B4GALNT4: variants seen among roughly 807,000 people sequenced by gnomAD.
The protein encoded by B4GALNT4 is N-acetyl-beta-glucosaminyl-glycoprotein 4-beta-N-acetylgalactosaminyltransferase 1.
Under a neutral mutation model 110.0 loss-of-function variants are expected in B4GALNT4, and 77 were observed. The observed-to-expected ratio is 0.70, with a 90% CI of 0.58 to 0.85. B4GALNT4 has a LOEUF of 0.85. B4GALNT4 is among the 40% of genes least tolerant of loss of function. The pLI is 0.00. For missense variants in B4GALNT4, 1,575 were observed against 1,506.0 expected (o/e 1.05, Z -0.76); for synonymous variants, 785 against 655.5 (o/e 1.20, Z -3.02).
chr11:376,618 A>G lies in B4GALNT4; in HGVS notation c.1495A>G (p.Arg499Gly). Residue 499 changes from arginine (R) to glycine (G), a missense_variant, in exon 14 of 20, where the codon AGG (arginine) becomes GGG (glycine). Coordinates refer to ENST00000329962, the MANE Select transcript of B4GALNT4 (RefSeq NM_178537.5). ...CTCCCGGGCCCTGAGCTGGGCCGCC[A>G]GGGCCGCCCGCCCTTTGCCGCTCTT... ...RHSRALSWAA[R>G]AARPLPLFLG... The G allele has an allele frequency of 7.2e-7, 1 of 1,388,296 alleles. No individual in the cohort carries two copies. The highest frequency in any genetic ancestry group is 9.3e-7 in the Non-Finnish European group (1 of 1,072,448). 86.0% of individuals were successfully genotyped at this position (1,388,296 alleles called of 1,614,324 possible). A position where few individuals can be genotyped will look rare whatever the true frequency, so the allele number is the denominator to read the frequency against.
chr11:373,728 C>T (rs762337290), intron 7 of B4GALNT4, 22 bp from the exon 8 acceptor site: 3 of 1,610,560 alleles, frequency 1.9e-6, no homozygotes, highest in Non-Finnish European at 1.7e-6. Context: ...CATGGCACGA[C>T]CCTTGCTCCT....
Position 373,061 on chromosome 11 carries a change from C to T in B4GALNT4, c.480C>T (p.Pro160=), listed in dbSNP as rs115266356. ...RTTVKKLAVS[P]KWKNYGLRIF... is the part of the protein sequence containing the mutation. ...CCGTGAAGAAGTTGGCCGTGTCCCC[C>T]AAGTGGAAGAACTATGGACTCCGTA... The change falls in exon 5 of 20, where the codon CCC becomes CCT. Residue 160 remains proline, a synonymous_variant. Coordinates refer to ENST00000329962, the MANE Select transcript of B4GALNT4 (RefSeq NM_178537.5). 2.1e-3 allele frequency: 3,348 copies of T among 1,612,550 alleles called. 69 individuals are homozygous for T. In the African/African-American group the frequency reaches 0.04, roughly 19 times the overall value.
In B4GALNT4 at chr11:380,192, A is replaced by G. The variant is rs758101193; in HGVS notation, c.2705A>G (p.Asp902Gly). 1 of 1,603,040 alleles carries G rather than the reference A, an allele frequency of 6.2e-7. No individual in the cohort carries two copies. Among genetic ancestry groups the G allele is most frequent in the Admixed American group, 1.7e-5 (1 of 59,526 alleles). Residue 902 changes from aspartate to glycine, a missense_variant, in exon 17 of 20, where the codon GAC (aspartate) becomes GGC (glycine). Physicochemically the swap from Asp to Gly is moderately conservative, Grantham distance 94. Transcript: ENST00000329962. ...ERSAGLQAGV[D>G]AVEDASSIVF... ...TCCGCCGGGCTGCAGGCGGGAGTGGACGCGGTAGAGGTCCGAGGGCCCCAT... is the reference window on the plus strand; with the variant it reads ...TCCGCCGGGCTGCAGGCGGGAGTGGGCGCGGTAGAGGTCCGAGGGCCCCAT...
rs1846652640 is a variant in B4GALNT4, at chr11:373,222, C to T, written c.567C>T (p.Asp189=). ...TCCAGTTTTCTGTGGCCTCAGACGACAACTCGGAGTTCTGGCTGAGTCTGG... is the reference window on the plus strand; with the variant it reads ...TCCAGTTTTCTGTGGCCTCAGACGATAACTCGGAGTTCTGGCTGAGTCTGG... ...GDVQFSVASD[D]NSEFWLSLDE... is the part of the protein sequence containing the mutation. Residue 189 remains aspartate, a synonymous_variant, in exon 6 of 20, where the codon GAC becomes GAT. Coordinates refer to ENST00000329962, the MANE Select transcript of B4GALNT4 (RefSeq NM_178537.5). The T allele has an allele frequency of 1.2e-6, 2 of 1,612,288 alleles. No individual in the cohort carries two copies. The highest frequency in any genetic ancestry group is 1.7e-6 in the Non-Finnish European group (2 of 1,179,598).
chr11:373,519 G>A lies in B4GALNT4; in HGVS notation c.704+3G>A. 6.2e-7 allele frequency: 1 copy of A among 1,612,026 alleles called. No homozygotes were observed. The highest frequency in any genetic ancestry group is 1.7e-5 in the Admixed American group (1 of 59,982). On this transcript the variant is annotated splice_donor_region_variant and intron_variant, in intron 7 of 19. Coordinates refer to ENST00000329962, the MANE Select transcript of B4GALNT4 (RefSeq NM_178537.5). ...TCCCAGGTGTCCAAGCCCAGGCGGT[G>A]AGTGACTGTGGGGTGCATGTGCGTG...
intron 18 of B4GALNT4, 54 bp downstream of exon 18, chr11:380,499 G>T: frequency 6.5e-7 from 1 of 1,536,392 alleles, no homozygotes; most frequent in South Asian, 1.2e-5. Flanking sequence ...CAACCGCCGC[G>T]GTAAAGTCCA....
chr11:380,542 G>A, intron 18 of B4GALNT4, 97 bp downstream of exon 18: 1 of 1,470,708 alleles, frequency 6.8e-7, no homozygotes, highest in African/African-American at 1.4e-5. Context: ...TCCCAGGGGA[G>A]GCCTGGGAGT....
chr11:371,254 G>A (rs558126303), intron 1 of B4GALNT4, among the ~76,000 whole-genome samples: 1 of 152,278 alleles, frequency 6.6e-6, no homozygotes, highest in Non-Finnish European at 1.5e-5. Context: ...GGGAGAGGGC[G>A]AGTGAGCAGA....
chr11:373,295 C>A lies in B4GALNT4; in HGVS notation c.636+4C>A, dbSNP rs771903308. On this transcript the variant is annotated splice_donor_region_variant and intron_variant, in intron 6 of 19. Transcript: ENST00000329962. ...GCTTGTGGCCTTTGTGGGCAAGGTA[C>A]CCCCACCCCAGCCCTGGTGTCGTCC... 3.1e-6 allele frequency: 5 copies of A among 1,606,582 alleles called. No homozygotes were observed. The South Asian group carries it at 5.5e-5, about 18-fold the overall frequency.
Position 377,077 on chromosome 11 carries a change from G to C in B4GALNT4, c.1954G>C (p.Asp652His), listed in dbSNP as rs1486738820. The change falls in exon 14 of 20, where the codon GAT becomes CAT. Residue 652 changes from aspartate to histidine, a missense_variant. Asp to His is a moderately conservative substitution (Grantham distance 81). Transcript: ENST00000329962. ...EGEEEEEGED[D>H]GAPGDEAASE... ...CGAAGAGGAGGAGGAAGGGGAGGAC[G>C]ATGGGGCCCCGGGCGACGAGGCCGC... 6.9e-7 allele frequency: 1 copy of C among 1,446,436 alleles called. No individual in the cohort carries two copies. The highest frequency in any genetic ancestry group is 9.1e-7 in the Non-Finnish European group (1 of 1,099,902). 89.6% of individuals were successfully genotyped at this position (1,446,436 alleles called of 1,614,324 possible).
Position 372,145 on chromosome 11 carries a change from G to A in B4GALNT4, c.188G>A (p.Gly63Glu), listed in dbSNP as rs1459286417. 2 of 1,549,796 alleles carry A rather than the reference G, an allele frequency of 1.3e-6. No homozygotes were observed. The highest frequency in any genetic ancestry group is 1.4e-5 in the African/African-American group (1 of 73,052). ...CTGACCAGTGAGACCGACGGCCGGG[G>A]GGTCCACGCTGCGCCATCCACACAG... is the stretch of plus-strand genomic sequence containing the variant. ...EKLTSETDGR[G>E]VHAAPSTQRA... The change falls in exon 2 of 20, where the codon GGG becomes GAG. Residue 63 changes from glycine to glutamate, a missense_variant. Gly to Glu is a moderately conservative substitution (Grantham distance 98). Transcript: ENST00000329962.
At position 373,574 on chromosome 11, in the gene B4GALNT4, C is replaced by T. The variant is rs1446456110; in HGVS notation, c.704+58C>T. On this transcript the variant is annotated intron_variant, in intron 7 of 19. Coordinates refer to ENST00000329962, the MANE Select transcript of B4GALNT4 (RefSeq NM_178537.5). Reference sequence around the variant, plus strand: ...TGTGTATTCGTGGGAGGGGGTTACGCGCTGTCTCCTTATCCTGTGCACACT... The same window carrying T: ...TGTGTATTCGTGGGAGGGGGTTACGTGCTGTCTCCTTATCCTGTGCACACT... 73 of 1,573,518 alleles carry T rather than the reference C, an allele frequency of 4.6e-5. 1 individual carries two copies. In the Middle Eastern group the frequency reaches 1.0e-3, roughly 22 times the overall value.
intron 14 of B4GALNT4, among the ~76,000 whole-genome samples, chr11:378,694 A>G (rs1194652388): frequency 6.6e-6 from 1 of 152,138 alleles, no homozygotes; most frequent in Non-Finnish European, 1.5e-5. Flanking sequence ...AGATGAGGAG[A>G]GCAGAGTGGA....
At chr11:378,482 TAG>T (rs1846805684) in intron 14 of B4GALNT4, among the ~76,000 whole-genome samples, 1 of 152,014 alleles carries the variant, frequency 6.6e-6, no homozygotes, top group Admixed American at 6.6e-5. Flanking sequence ...AGCAACAGTG[TAG>T]AGAGACCAAG....
intron 7 of B4GALNT4, 31 bp downstream of exon 7, chr11:373,547 C>G: frequency 6.2e-7 from 1 of 1,607,100 alleles, no homozygotes; most frequent in Non-Finnish European, 8.5e-7. Flanking sequence ...TGTGCGTGCA[C>G]TTGTGTATTC....
In B4GALNT4 at chr11:377,256, G is replaced by C. The variant is rs889229611; in HGVS notation, c.2133G>C (p.Leu711=). 1.3e-6 allele frequency: 2 copies of C among 1,596,808 alleles called. No individual in the cohort carries two copies. ...TGCGATGCAACGTTTCGGGGAACCT[G>C]CAGCTGCCGGAGGCGGAGGCCGTGG... is the stretch of plus-strand genomic sequence containing the variant. ...NDLRCNVSGN[L]QLPEAEAVDV... is the part of the protein sequence containing the mutation. The change falls in exon 14 of 20, where the codon CTG becomes CTC. Residue 711 remains leucine, a synonymous_variant. Transcript: ENST00000329962.
chr11:370,399 C>T (rs1180311466), intron 1 of B4GALNT4, among the ~76,000 whole-genome samples: 1 of 151,912 alleles, frequency 6.6e-6, no homozygotes, highest in Non-Finnish European at 1.5e-5. Flanking sequence ...TGCTGGGGAC[C>T]CGGGCCGGGG....
At chr11:373,860 A>G (rs1412607900) in intron 8 of B4GALNT4, 32 bp downstream of exon 8, 1 of 1,602,590 alleles carries the variant, frequency 6.2e-7, no homozygotes, top group East Asian at 2.2e-5. Flanking sequence ...GGGCTTCTGG[A>G]GACTCCACTC....
At position 369,821 on chromosome 11, in the gene B4GALNT4, G is replaced by A; in HGVS notation, c.18G>A (p.Val6=). The A allele has an allele frequency of 1.0e-6, 1 of 983,716 alleles. No homozygotes were observed. The highest frequency in any genetic ancestry group is 1.2e-6 in the Non-Finnish European group (1 of 829,992). The allele number at this position is 983,716 out of a possible 1,614,324, so 60.9% of individuals were successfully genotyped here. ...CGGCCGCGATGCCGCGGCTCCCGGT[G>A]AAGAAGATCCGTAAGCAGATGAAGC... MPRLP[V]KKIRKQMKLL... is the part of the protein sequence containing the mutation. Residue 6 remains valine, a synonymous_variant, in exon 1 of 20, where the codon GTG becomes GTA. Transcript: ENST00000329962.
Sources: gnomAD v4.1 joint callset for allele counts (sites outside exome capture counted in the v4.1 genomes callset) on GRCh38, gnomAD v4.1.1 for gene constraint, MANE v1.5 for transcripts, NCBI Gene and HGNC (gene_info 2026-07-23, HGNC 2026-07-21) for gene names.